The following TGFA variants were observed in gnomAD, a reference collection of about 807,000 sequenced individuals.
TGFA encodes the protein protransforming growth factor alpha.
Under a neutral mutation model 21.7 loss-of-function variants are expected in TGFA, and 12 were observed. The ratio of observed to expected loss-of-function variants is 0.55; its 90% CI spans 0.35 to 0.90. The LOEUF (loss-of-function observed/expected upper bound fraction) is 0.90, where lower values mean the gene tolerates loss of function less well. Ranked by LOEUF, TGFA falls within the 40% of genes least tolerant of loss-of-function variation. The pLI is 0.01. For synonymous variants in TGFA, 79 were observed against 88.1 expected, an observed-to-expected ratio of 0.90 and a Z score of 0.58; for missense variants, 178 against 210.8, an observed-to-expected ratio of 0.84 and a Z score of 0.96.
At chr2:70,540,722 A>T (rs568809156) in intron 1 of TGFA, among the ~76,000 whole-genome samples, 213 of 152,326 alleles carry the variant, frequency 1.4e-3, no homozygotes, top group African/African-American at 4.8e-3. Context: ...ACTTTTAGTA[A>T]ACCTAAATAC....
intron 2 of TGFA, among the ~76,000 whole-genome samples, chr2:70,484,844 C>A (rs782158026): frequency 6.6e-6 from 1 of 152,162 alleles, no homozygotes; most frequent in African/African-American, 2.4e-5. Flanking sequence ...AACAAAGTTG[C>A]TTTTGTTCAA....
intron 1 of TGFA, among the ~76,000 whole-genome samples, chr2:70,538,397 A>C (rs1433123259): frequency 1.3e-5 from 2 of 152,214 alleles, no homozygotes; most frequent in African/African-American, 4.8e-5. Flanking sequence ...GATTCTGCTG[A>C]TGGGTCTGGG....
At chr2:70,465,557 C>T in intron 3 of TGFA, 59 bp downstream of exon 3, 1 of 1,605,350 alleles carries the variant, frequency 6.2e-7, no homozygotes, top group South Asian at 1.1e-5. Context: ...AAATGCTCTT[C>T]TAATTGGATA....
chr2:70,538,360 A>T (rs573798133), intron 1 of TGFA, among the ~76,000 whole-genome samples: 2 of 152,248 alleles, frequency 1.3e-5, no homozygotes, highest in Non-Finnish European at 2.9e-5. Flanking sequence ...CCTACATTTT[A>T]TAATGCTATT....
intron 1 of TGFA, among the ~76,000 whole-genome samples, chr2:70,545,006 TAA>T (rs1553505663): frequency 1.3e-5 from 2 of 152,276 alleles, no homozygotes; most frequent in East Asian, 1.9e-4. Context: ...TTAAAATAGC[TAA>T]AAGAGTATAA....
chr2:70,545,813 A>T (rs1408298706), intron 1 of TGFA, among the ~76,000 whole-genome samples: 1 of 152,192 alleles, frequency 6.6e-6, no homozygotes, highest in Non-Finnish European at 1.5e-5. Flanking sequence ...ACAGTAAAAG[A>T]TAAAAAATAA....
chr2:70,524,357 C>T lies in TGFA; in HGVS notation c.41-9445G>A, dbSNP rs77338611. On this transcript the variant is annotated intron_variant, in intron 1 of 5. Coordinates refer to ENST00000295400, the MANE Select transcript of TGFA (RefSeq NM_003236.4). ...GCCAGGAGGAAGCAATTGTCTCTTCCGAAGAGTTTAAGCCTTATCAAAGAC... is the reference window on the plus strand; with the variant it reads ...GCCAGGAGGAAGCAATTGTCTCTTCTGAAGAGTTTAAGCCTTATCAAAGAC... Among the ~76,000 whole-genome samples, 1,333 of 152,336 alleles carry T rather than the reference C, an allele frequency of 8.8e-3. 16 individuals carry two copies. The highest frequency in any genetic ancestry group is 0.03 in the African/African-American group (1,256 of 41,570).
At chr2:70,506,216 G>T (rs562423827) in intron 2 of TGFA, among the ~76,000 whole-genome samples, 1 of 152,314 alleles carries the variant, frequency 6.6e-6, no homozygotes, top group East Asian at 1.9e-4. Context: ...AAAGTCCTGG[G>T]TGAATACTAG....
chr2:70,498,695 A>G (rs1671646709), intron 2 of TGFA, among the ~76,000 whole-genome samples: 2 of 151,798 alleles, frequency 1.3e-5, no homozygotes, highest in African/African-American at 2.4e-5. Context: ...TACATATATG[A>G]CAGCTTGCAC....
At chr2:70,525,564 C>T (rs1261895221) in intron 1 of TGFA, among the ~76,000 whole-genome samples, 1 of 152,222 alleles carries the variant, frequency 6.6e-6, no homozygotes, top group African/African-American at 2.4e-5. Context: ...CCACATCACA[C>T]TGCAAACTGG....
chr2:70,521,729 C>T (rs1327178942), intron 1 of TGFA, among the ~76,000 whole-genome samples: 1 of 148,610 alleles, frequency 6.7e-6, no homozygotes, highest in Non-Finnish European at 1.5e-5. Flanking sequence ...ATTCTTCTGC[C>T]TCCGCCTCCC....
intron 1 of TGFA, among the ~76,000 whole-genome samples, chr2:70,532,204 C>T (rs782026377): frequency 7.2e-5 from 11 of 152,088 alleles, no homozygotes; most frequent in South Asian, 6.2e-4. Flanking sequence ...CAGTTGAAAG[C>T]GACGAAACCA....
chr2:70,533,096 A>T (rs947383349), intron 1 of TGFA, among the ~76,000 whole-genome samples: 1 of 152,006 alleles, frequency 6.6e-6, no homozygotes, highest in African/African-American at 2.4e-5. Context: ...CTCTGGGCTC[A>T]AGTGATCCGC....
chr2:70,496,770 G>T (rs1671589965), intron 2 of TGFA, among the ~76,000 whole-genome samples: 1 of 152,132 alleles, frequency 6.6e-6, no homozygotes, highest in South Asian at 2.1e-4. Context: ...TATGCGTCAT[G>T]CACTGTGCTG....
chr2:70,549,163 T>C (rs912000726), intron 1 of TGFA, among the ~76,000 whole-genome samples: 5 of 152,192 alleles, frequency 3.3e-5, no homozygotes, highest in Non-Finnish European at 5.9e-5. Context: ...TTTAATAACA[T>C]GGGATCGTTA....
rs781974012 is a variant in TGFA at position 70,450,857 on chromosome 2, C to T, written c.*2G>A. On this transcript the variant is annotated 3_prime_UTR_variant, in exon 6 of 6. Transcript: ENST00000295400. ...CCTGGCCAAACTCCTCCTCTGGGCT[C>T]TTCAGACCACTGGCAGGAAGGAAAA... is the stretch of plus-strand genomic sequence containing the variant. 1.2e-5 allele frequency: 20 copies of T among 1,609,582 alleles called. No individual in the cohort carries two copies. In the African/African-American group the frequency reaches 2.4e-4, roughly 19 times the overall value.
At chr2:70,478,097 G>T (rs1283489401) in intron 2 of TGFA, among the ~76,000 whole-genome samples, 1 of 152,094 alleles carries the variant, frequency 6.6e-6, no homozygotes, top group Non-Finnish European at 1.5e-5. Flanking sequence ...CCAGCTTAAG[G>T]TCTGTTCTGT....
At chr2:70,470,034 TGG>T (rs1559105192) in intron 2 of TGFA, among the ~76,000 whole-genome samples, 1 of 151,498 alleles carries the variant, frequency 6.6e-6, no homozygotes, top group African/African-American at 2.4e-5. Context: ...CAAGTGTGTG[TGG>T]GAGAAACAGC....
intron 2 of TGFA, among the ~76,000 whole-genome samples, chr2:70,475,892 C>A (rs1472368254): frequency 3.3e-5 from 5 of 151,730 alleles, no homozygotes; most frequent in African/African-American, 9.7e-5. Context: ...TATGAGACTC[C>A]ACAAGCAGCC....
Sources: gnomAD v4.1 joint callset for allele counts (sites outside exome capture counted in the v4.1 genomes callset) on GRCh38, gnomAD v4.1.1 for gene constraint, MANE v1.5 for transcripts, NCBI Gene and HGNC (gene_info 2026-07-23, HGNC 2026-07-21) for gene names.